The following UCHL1 variants were observed in gnomAD, a reference collection of about 807,000 sequenced individuals.
UCHL1 encodes the protein ubiquitin carboxyl-terminal hydrolase isozyme L1.
Under a neutral mutation model 33.3 loss-of-function variants are expected in UCHL1, and 5 were observed. That is an observed-to-expected ratio of 0.15 (90% confidence interval 0.08 to 0.32). UCHL1 has a LOEUF of 0.32. UCHL1 is among the 10% of genes least tolerant of loss of function. The pLI is 1.00. For missense variants in UCHL1, 236 were observed against 280.0 expected, an observed-to-expected ratio of 0.84 and a Z score of 1.12; for synonymous variants, 132 against 108.8, an observed-to-expected ratio of 1.21 and a Z score of -1.33.
At chr4:41,262,818 C>T (rs1463322428) in intron 6 of UCHL1, among the ~76,000 whole-genome samples, 2 of 152,094 alleles carry the variant, frequency 1.3e-5, no homozygotes, top group African/African-American at 4.8e-5. Flanking sequence ...GTTGTTCAGG[C>T]TGGTCTTGAA....
intron 5 of UCHL1, 34 bp downstream of exon 5, chr4:41,261,834 ACT>A (rs749992093): frequency 1.9e-6 from 3 of 1,614,004 alleles, no homozygotes; most frequent in African/African-American, 1.3e-5. Context: ...CCTTTAAATA[ACT>A]CTAGAGATTT....
At chr4:41,261,653 C>T (rs1561080804) in intron 4 of UCHL1, 62 bp from the exon 5 acceptor site, 3 of 1,561,190 alleles carry the variant, frequency 1.9e-6, no homozygotes, top group Non-Finnish European at 2.6e-6. Context: ...CTTAAGTCAA[C>T]AATAAATATG....
intron 2 of UCHL1, 156 bp downstream of exon 2, chr4:41,257,282 C>T: frequency 2.4e-6 from 3 of 1,231,656 alleles, no homozygotes; most frequent in Non-Finnish European, 3.3e-6. Flanking sequence ...TCCTGGGCCC[C>T]TGCATTTAGC....
intron 8 of UCHL1, among the ~76,000 whole-genome samples, chr4:41,265,167 T>C (rs1046971331): frequency 6.6e-6 from 1 of 152,154 alleles, no homozygotes; most frequent in Admixed American, 6.5e-5. Context: ...GATCTACGTC[T>C]TTTATAGAAA....
Position 41,261,566 on chromosome 4 carries a change from A to G in UCHL1, c.326-149A>G, listed in dbSNP as rs551846994. The G allele has an allele frequency of 5.3e-4, 417 of 786,840 alleles. 4 individuals carry two copies. The South Asian group carries it at 6.3e-3, about 12-fold the overall frequency. 48.7% of individuals were successfully genotyped at this position (786,840 alleles called of 1,614,324 possible). ...TAGAGAGGGGTTAGAAAAAGAGGCT[A>G]GGGGAAAAGGTACAGCTCATCCACA... On this transcript the variant is annotated intron_variant, in intron 4 of 8. Coordinates refer to ENST00000284440, the MANE Select transcript of UCHL1 (RefSeq NM_004181.5).
chr4:41,264,275 T>C (rs1781120468), intron 8 of UCHL1, 114 bp downstream of exon 8: 1 of 1,327,688 alleles, frequency 7.5e-7, no homozygotes, highest in Non-Finnish European at 1.1e-6. Flanking sequence ...CCTGGGTTAA[T>C]AGCAGTCTTT....
intron 3 of UCHL1, among the ~76,000 whole-genome samples, chr4:41,260,318 T>C (rs1781050568): frequency 6.6e-6 from 1 of 152,222 alleles, no homozygotes; most frequent in South Asian, 2.1e-4. Flanking sequence ...AAATAATGAA[T>C]TGGTTTCTTT....
chr4:41,267,526 G>A (rs1470068011), intron 8 of UCHL1, among the ~76,000 whole-genome samples: 3 of 152,294 alleles, frequency 2.0e-5, no homozygotes, highest in African/African-American at 4.8e-5. Flanking sequence ...GATTACAGGC[G>A]TGAGCCACTG....
intron 3 of UCHL1, 30 bp downstream of exon 3, chr4:41,257,767 C>G (rs532974616): frequency 2.6e-6 from 4 of 1,549,754 alleles, no homozygotes; most frequent in Admixed American, 1.9e-5. Flanking sequence ...ATGCGCCGGC[C>G]GCCGGCAGTG....
Position 41,257,236 on chromosome 4 carries a change from G to A in UCHL1, c.45+110G>A, listed in dbSNP as rs538127872. ...GACCAAGCCGCCCGCTGCGAGCACC[G>A]GAGACGGCCGGGCTGGGGCGTGGGC... On this transcript the variant is annotated intron_variant, in intron 2 of 8. Transcript: ENST00000284440. 408 of 1,544,448 alleles carry A rather than the reference G, an allele frequency of 2.6e-4. 8 individuals carry two copies. In the East Asian group the frequency reaches 9.2e-3, roughly 35 times the overall value.
chr4:41,264,302 C>G, intron 8 of UCHL1, 141 bp downstream of exon 8: 2 of 1,012,870 alleles, frequency 2.0e-6, no homozygotes, highest in Non-Finnish European at 3.1e-6. Context: ...GCAAGATCCT[C>G]TTAGTAACTC....
chr4:41,261,912 G>A lies in UCHL1; in HGVS notation c.448G>A (p.Gly150Ser). 1 of 1,614,120 alleles carries A rather than the reference G, an allele frequency of 6.2e-7. No homozygotes were observed. Among genetic ancestry groups the A allele is most frequent in the African/African-American group, 1.3e-5 (1 of 75,038 alleles). Residue 150 changes from glycine (G) to serine (S), a missense_variant, in exon 6 of 9, where the codon GGC (glycine) becomes AGC (serine). Gly to Ser is a moderately conservative substitution (Grantham distance 56). Transcript: ENST00000284440. ...AGCCCATGATGCCGTGGCACAGGAA[G>A]GCCAATGTCGGGTAAATGCAAATAC... ...QAAHDAVAQE[G>S]QCRVDDKVNF...
At position 41,257,648 on chromosome 4, in the gene UCHL1, G is replaced by A. The variant is rs999158009; in HGVS notation, c.85G>A (p.Val29Met). Residue 29 changes from valine to methionine, a missense_variant, in exon 3 of 9, where the codon GTG becomes ATG. Physicochemically the swap from Val to Met is conservative, Grantham distance 21 (BLOSUM62 1). Coordinates refer to ENST00000284440, the MANE Select transcript of UCHL1 (RefSeq NM_004181.5). Reference protein sequence around the residue: ...RLGVAGQWRFVDVLGLEEESL... With the variant: ...RLGVAGQWRFMDVLGLEEESL... The stretch of plus-strand genomic sequence containing the variant: ...GGGGGTCGCCGGCCAGTGGCGCTTC[G>A]TGGACGTGCTGGGGCTGGAAGAGGA... The A allele has an allele frequency of 1.3e-6, 2 of 1,566,078 alleles. No individual in the cohort carries two copies. Among genetic ancestry groups the A allele is most frequent in the Non-Finnish European group, 8.6e-7 (1 of 1,160,280 alleles).
chr4:41,268,119 A>G lies in UCHL1; in HGVS notation c.*46A>G, dbSNP rs765917631. Reference sequence around the variant, plus strand: ...GCTGATTTCCCCTCTTCCCTTCAACATGAAAATATATACCCCCCCATGCAG... The same window carrying G: ...GCTGATTTCCCCTCTTCCCTTCAACGTGAAAATATATACCCCCCCATGCAG... On this transcript the variant is annotated 3_prime_UTR_variant, in exon 9 of 9. Coordinates refer to ENST00000284440, the MANE Select transcript of UCHL1 (RefSeq NM_004181.5). The G allele has an allele frequency of 1.2e-5, 19 of 1,529,378 alleles. No homozygotes were observed. Among genetic ancestry groups the G allele is most frequent in the African/African-American group, 1.4e-5 (1 of 73,526 alleles). The allele number at this position is 1,529,378 out of a possible 1,614,324, so 94.7% of individuals were successfully genotyped here. A position where few individuals can be genotyped will look rare whatever the true frequency, so the allele number is the denominator to read the frequency against.
In UCHL1 at chr4:41,268,198, C is replaced by A; in HGVS notation, c.*125C>A. On this transcript the variant is annotated 3_prime_UTR_variant, in exon 9 of 9. Coordinates refer to ENST00000284440, the MANE Select transcript of UCHL1 (RefSeq NM_004181.5). ...CAGCTGTTCTTCTGTTCTGCAGACA[C>A]GCCTTCCCCTCAGCCACACCCAGGC... is the stretch of plus-strand genomic sequence containing the variant. 2 of 926,460 alleles carry A rather than the reference C, an allele frequency of 2.2e-6. No individual in the cohort carries two copies. The highest frequency in any genetic ancestry group is 3.4e-6 in the Non-Finnish European group (2 of 588,728). 57.4% of individuals were successfully genotyped at this position (926,460 alleles called of 1,614,324 possible).
At position 41,257,694 on chromosome 4, in the gene UCHL1, C is replaced by T; in HGVS notation, c.131C>T (p.Ala44Val). 6.3e-7 allele frequency: 1 copy of T among 1,578,012 alleles called. No homozygotes were observed. Among genetic ancestry groups the T allele is most frequent in the Non-Finnish European group, 8.6e-7 (1 of 1,165,628 alleles). ...GAGGAGTCTCTGGGCTCGGTGCCAGCGCCTGCCTGCGCGCTGCTGCTGCTG... is the reference window on the plus strand; with the variant it reads ...GAGGAGTCTCTGGGCTCGGTGCCAGTGCCTGCCTGCGCGCTGCTGCTGCTG... ...LEEESLGSVP[A>V]PACALLLLFP... The change falls in exon 3 of 9, where the codon GCG becomes GTG. Residue 44 changes from alanine to valine, a missense_variant. Transcript: ENST00000284440.
chr4:41,261,061 T>G (rs1781061207), intron 4 of UCHL1, among the ~76,000 whole-genome samples: 1 of 152,184 alleles, frequency 6.6e-6, no homozygotes, highest in Non-Finnish European at 1.5e-5. Context: ...TGCTATAGGT[T>G]TGTAATTAGT....
intron 6 of UCHL1, among the ~76,000 whole-genome samples, chr4:41,262,563 T>C: frequency 6.6e-6 from 1 of 151,946 alleles, no homozygotes; most frequent in East Asian, 1.9e-4. Context: ...AAGGCTTGAA[T>C]ATACCATAAT....
At chr4:41,261,657 A>AAAT (rs1781069020) in intron 4 of UCHL1, 58 bp from the exon 5 acceptor site, 1 of 1,568,874 alleles carries the variant, frequency 6.4e-7, no homozygotes, top group Admixed American at 1.7e-5. Context: ...AGTCAACAAT[A>AAAT]AATATGTACC....
Sources: gnomAD v4.1 joint callset for allele counts (sites outside exome capture counted in the v4.1 genomes callset) on GRCh38, gnomAD v4.1.1 for gene constraint, MANE v1.5 for transcripts, NCBI Gene and HGNC (gene_info 2026-07-23, HGNC 2026-07-21) for gene names.